SHANK2: variants seen among roughly 807,000 people sequenced by gnomAD.
SHANK2 encodes SH3 and multiple ankyrin repeat domains protein 2.
A neutral mutation model predicts 133.7 loss-of-function variants in SHANK2; 43 were observed. The observed-to-expected ratio is 0.32, with a 90% CI of 0.25 to 0.41. The LOEUF (loss-of-function observed/expected upper bound fraction) is 0.41. SHANK2 is among the 10% of genes least tolerant of loss of function. The pLI, the probability that SHANK2 is intolerant of heterozygous loss-of-function variation, is 1.00. For missense variants in SHANK2, 1,994 were observed against 2,235.8 expected (o/e 0.89, Z 2.18); for synonymous variants, 1,017 against 952.8 (o/e 1.07, Z -1.24).
chr11:70,702,169 T>A (rs1252127606), intron 14 of SHANK2, among the ~76,000 whole-genome samples: 2 of 142,666 alleles, frequency 1.4e-5, no homozygotes, highest in Non-Finnish European at 3.0e-5. Context: ...ACCAACATCA[T>A]CACCATAATT....
At chr11:71,190,453 C>T (rs1404572045) in intron 2 of SHANK2, among the ~76,000 whole-genome samples, 6 of 152,174 alleles carry the variant, frequency 3.9e-5, no homozygotes, top group Admixed American at 2.6e-4. Context: ...CTGAACTAAC[C>T]CCTGCAATGG....
At chr11:70,931,394 G>A (rs1401825429) in intron 10 of SHANK2, among the ~76,000 whole-genome samples, 2 of 152,180 alleles carry the variant, frequency 1.3e-5, no homozygotes, top group African/African-American at 2.4e-5. Context: ...TCTTTTAAAA[G>A]AATAGCACAA....
intron 14 of SHANK2, among the ~76,000 whole-genome samples, chr11:70,723,074 G>A (rs1332037619): frequency 1.3e-5 from 2 of 152,140 alleles, no homozygotes; most frequent in Admixed American, 6.5e-5. Context: ...CTAGAAATAT[G>A]CTCATGGTCC....
intron 15 of SHANK2, chr11:70,662,061 C>G: frequency 2.0e-6 from 1 of 495,794 alleles, no homozygotes; most frequent in East Asian, 3.9e-5. Flanking sequence ...CAGCGGCGGC[C>G]TCAGCAGCGG....
chr11:70,788,995 G>A (rs1412819211), intron 14 of SHANK2, among the ~76,000 whole-genome samples: 14 of 152,262 alleles, frequency 9.2e-5, no homozygotes, highest in Middle Eastern at 3.4e-3. Context: ...GTGGCGGTCC[G>A]GAGACACTTC....
intron 17 of SHANK2, among the ~76,000 whole-genome samples, chr11:70,549,032 G>A (rs1346012215): frequency 2.0e-5 from 3 of 152,116 alleles, no homozygotes; most frequent in African/African-American, 7.2e-5. Context: ...ACTTCAGACT[G>A]CTAGCCCCCA....
chr11:70,614,312 G>GTTTTTTTTTTTTTTTTTTTTTTTTTTT (rs150637798), intron 17 of SHANK2, among the ~76,000 whole-genome samples: 1 of 147,002 alleles, frequency 6.8e-6, no homozygotes. Flanking sequence ...CAGTCTGTGG[G>GTTTTTTTTTTTTTTTTTTTTTTTTTTT]TTTTGTTTTT....
chr11:71,124,180 T>C (rs1409033122), intron 3 of SHANK2, among the ~76,000 whole-genome samples: 11 of 13,552 alleles, frequency 8.1e-4, no homozygotes, highest in African/African-American at 2.6e-3. Flanking sequence ...ATGGTGATGG[T>C]GATGATGGTG....
chr11:70,530,334 G>T (rs1470608077), intron 17 of SHANK2, among the ~76,000 whole-genome samples: 2 of 152,076 alleles, frequency 1.3e-5, no homozygotes, highest in South Asian at 2.1e-4. Flanking sequence ...CCAGGAGTTC[G>T]AGATCAGCCT....
chr11:70,743,799 G>C (rs1254918535), intron 14 of SHANK2, among the ~76,000 whole-genome samples: 1 of 152,168 alleles, frequency 6.6e-6, no homozygotes, highest in Non-Finnish European at 1.5e-5. Flanking sequence ...ACCAATTCCT[G>C]TGGATTCAGG....
At chr11:70,939,287 C>T (rs1420170218) in intron 10 of SHANK2, among the ~76,000 whole-genome samples, 1 of 152,038 alleles carries the variant, frequency 6.6e-6, no homozygotes. Flanking sequence ...CCAGCCTGAC[C>T]AACATGGTGA....
intron 10 of SHANK2, chr11:70,942,853 C>G (rs1555084623): frequency 8.8e-6 from 4 of 456,732 alleles, no homozygotes; most frequent in Non-Finnish European, 1.8e-5. Flanking sequence ...GCCATAAGAC[C>G]AGACAGGCCC....
intron 10 of SHANK2, among the ~76,000 whole-genome samples, chr11:70,906,992 C>T (rs1184143704): frequency 2.6e-5 from 4 of 152,196 alleles, no homozygotes; most frequent in Non-Finnish European, 5.9e-5. Context: ...TACCCAGAAG[C>T]CCCTGGTTGC....
intron 11 of SHANK2, among the ~76,000 whole-genome samples, chr11:70,835,047 G>A (rs1380650824): frequency 6.6e-6 from 1 of 152,182 alleles, no homozygotes; most frequent in Non-Finnish European, 1.5e-5. Flanking sequence ...CACAAAGAGA[G>A]GTGAGGGGTT....
chr11:70,680,894 C>T (rs180977451), intron 15 of SHANK2, among the ~76,000 whole-genome samples: 11 of 152,294 alleles, frequency 7.2e-5, no homozygotes, highest in African/African-American at 2.4e-4. Flanking sequence ...TCAGATTGGG[C>T]ACCAGCAAGC....
At chr11:70,553,482 G>C (rs1308849722) in intron 17 of SHANK2, among the ~76,000 whole-genome samples, 1 of 152,170 alleles carries the variant, frequency 6.6e-6, no homozygotes, top group African/African-American at 2.4e-5. Flanking sequence ...ATGGATTTTT[G>C]AGGGACACAA....
chr11:70,622,462 T>TG lies in SHANK2; in HGVS notation c.2061+37365dup, dbSNP rs1340128170. ...GCTTTTGTTACAAAGCAACACAAAC[T>TG]GGGGGGCTTAAAACAACAGAAATTG... On this transcript the variant is annotated intron_variant, in intron 17 of 25. Coordinates refer to ENST00000601538, the MANE Select transcript of SHANK2 (RefSeq NM_012309.5). Among the ~76,000 whole-genome samples the TG allele has an allele frequency of 2.0e-5, 3 of 152,156 alleles. No homozygotes were observed. In the East Asian group the frequency reaches 5.8e-4, roughly 29 times the overall value.
chr11:70,856,089 G>A (rs1372883621), intron 11 of SHANK2, among the ~76,000 whole-genome samples: 2 of 151,984 alleles, frequency 1.3e-5, no homozygotes, highest in Non-Finnish European at 2.9e-5. Context: ...ATAGATGAGT[G>A]GGTGGGTGGT....
intron 14 of SHANK2, among the ~76,000 whole-genome samples, chr11:70,741,381 A>G (rs1946524365): frequency 6.6e-6 from 1 of 151,292 alleles, no homozygotes; most frequent in African/African-American, 2.4e-5. Context: ...CCCTCCATCC[A>G]TCCCACCCAT....
Sources: gnomAD v4.1 joint callset for allele counts (sites outside exome capture counted in the v4.1 genomes callset) on GRCh38, gnomAD v4.1.1 for gene constraint, MANE v1.5 for transcripts, NCBI Gene and HGNC (gene_info 2026-07-23, HGNC 2026-07-21) for gene names.